TNFAIP8: variants seen among roughly 807,000 people sequenced by gnomAD.
TNFAIP8 encodes TNF alpha induced protein 8.
Under a neutral mutation model 13.3 loss-of-function variants are expected in TNFAIP8, and 7 were observed. The ratio of observed to expected loss-of-function variants is 0.52; its 90% CI spans 0.30 to 0.99. The LOEUF is 0.99. Ranked by LOEUF, TNFAIP8 falls within the 50% of genes least tolerant of loss-of-function variation. The pLI, the probability that TNFAIP8 is intolerant of heterozygous loss-of-function variation, is 0.07. For missense variants in TNFAIP8, 258 were observed against 236.9 expected, an observed-to-expected ratio of 1.09 and a Z score of -0.58; for synonymous variants, 94 against 87.6, an observed-to-expected ratio of 1.07 and a Z score of -0.41.
chr5:119,272,482 A>G (rs1027150962), intron 1 of TNFAIP8, among the ~76,000 whole-genome samples: 1 of 152,266 alleles, frequency 6.6e-6, no homozygotes, highest in Non-Finnish European at 1.5e-5. Context: ...TCACAAGGGC[A>G]GTAGAATGAT....
chr5:119,394,601 T>C lies in TNFAIP8; in HGVS notation c.*1220T>C, dbSNP rs906413392. 5 of 150,420 alleles carry C rather than the reference T, an allele frequency of 3.3e-5. No homozygotes were observed. The highest frequency in any genetic ancestry group is 4.9e-5 in the African/African-American group (2 of 40,866). 9.3% of individuals were successfully genotyped at this position (150,420 alleles called of 1,614,324 possible). On this transcript the variant is annotated 3_prime_UTR_variant, in exon 2 of 2. Transcript: ENST00000504771. Reference sequence around the variant, plus strand: ...CAGCAATAAACATTTCCATTGTCACTGTGTCTATGATTTTTTTTTTTTTTT... The same window carrying C: ...CAGCAATAAACATTTCCATTGTCACCGTGTCTATGATTTTTTTTTTTTTTT...
chr5:119,390,883 A>G (rs562203266), intron 1 of TNFAIP8, among the ~76,000 whole-genome samples: 4 of 152,098 alleles, frequency 2.6e-5, no homozygotes, highest in South Asian at 4.2e-4. Flanking sequence ...CAGTAGTGCA[A>G]TCACTGCTCA....
chr5:119,382,203 T>G (rs1752513127), intron 1 of TNFAIP8, among the ~76,000 whole-genome samples: 1 of 152,216 alleles, frequency 6.6e-6, no homozygotes, highest in South Asian at 2.1e-4. Flanking sequence ...GAAACTTTCC[T>G]CAAACCTAAC....
At chr5:119,384,330 C>A (rs1752593243) in intron 1 of TNFAIP8, among the ~76,000 whole-genome samples, 1 of 152,022 alleles carries the variant, frequency 6.6e-6, no homozygotes, top group African/African-American at 2.4e-5. Flanking sequence ...ACTAAAAATA[C>A]AACAATTAGC....
At chr5:119,286,021 G>A (rs1561982991) in intron 1 of TNFAIP8, among the ~76,000 whole-genome samples, 1 of 152,118 alleles carries the variant, frequency 6.6e-6, no homozygotes, top group Non-Finnish European at 1.5e-5. Context: ...TGAGTTGAAA[G>A]AAAAAGTTTA....
intron 1 of TNFAIP8, among the ~76,000 whole-genome samples, chr5:119,357,864 CTT>C (rs970211267): frequency 4.6e-5 from 7 of 152,002 alleles, no homozygotes; most frequent in Admixed American, 6.6e-5. Flanking sequence ...CTGAATAACT[CTT>C]GAGGGAGATT....
chr5:119,343,900 T>A (rs1750815504), intron 1 of TNFAIP8, among the ~76,000 whole-genome samples: 1 of 152,230 alleles, frequency 6.6e-6, no homozygotes, highest in South Asian at 2.1e-4. Context: ...ATAAGGTTTG[T>A]CTCAAGTAAT....
intron 1 of TNFAIP8, among the ~76,000 whole-genome samples, chr5:119,377,000 G>A (rs138765974): frequency 1.2e-4 from 18 of 152,164 alleles, no homozygotes; most frequent in African/African-American, 1.9e-4. Context: ...GCTGCTTGAC[G>A]TATTTATATA....
chr5:119,355,815 C>T (rs1423357045), upstream of TNFAIP8: 1 of 847,720 alleles, frequency 1.2e-6, no homozygotes, highest in Non-Finnish European at 1.5e-6. Flanking sequence ...CGAGCCAGCC[C>T]CGCCAGGTCG....
intron 1 of TNFAIP8, among the ~76,000 whole-genome samples, chr5:119,368,616 G>A (rs530031920): frequency 3.3e-5 from 5 of 152,202 alleles, no homozygotes; most frequent in East Asian, 1.9e-4. Flanking sequence ...ATCTCTGAGC[G>A]TCTATTTGTT....
rs57346323 is a variant in TNFAIP8, at chr5:119,334,139, C to CAAAAAAAAAA, written c.2-58671_2-58662dup. Among the ~76,000 whole-genome samples the CAAAAAAAAAA allele has an allele frequency of 6.1e-3, 634 of 103,850 alleles. 1 individual carries two copies. Among genetic ancestry groups the CAAAAAAAAAA allele is most frequent in the Non-Finnish European group, 6.7e-3 (312 of 46,638 alleles). 68.1% of individuals were successfully genotyped at this position (103,850 alleles called of 152,430 possible). Reference sequence around the variant, plus strand: ...TGCTGTTGCCATTTTCTCTAACAACCAAAAAAAAAAAAAAACGGTTTACCT... The same window carrying CAAAAAAAAAA: ...TGCTGTTGCCATTTTCTCTAACAACCAAAAAAAAAAAAAAAAAAAAAAAAACGGTTTACCT... On this transcript the variant is annotated intron_variant, in intron 1 of 1. Transcript: ENST00000274456.
At chr5:119,313,992 G>T (rs767023813) in intron 1 of TNFAIP8, among the ~76,000 whole-genome samples, 1 of 152,196 alleles carries the variant, frequency 6.6e-6, no homozygotes. Flanking sequence ...TATAGACAGA[G>T]TAAATGCAAC....
At chr5:119,343,434 G>A (rs910814790) in intron 1 of TNFAIP8, among the ~76,000 whole-genome samples, 1 of 152,002 alleles carries the variant, frequency 6.6e-6, no homozygotes, top group Admixed American at 6.5e-5. Flanking sequence ...TTCTTGTCTT[G>A]TTTTCTTTCT....
chr5:119,341,744 T>C (rs571366880), intron 1 of TNFAIP8, among the ~76,000 whole-genome samples: 1 of 152,296 alleles, frequency 6.6e-6, no homozygotes, highest in Admixed American at 6.5e-5. Flanking sequence ...TGAATCTGTT[T>C]AGAGAAGTAG....
At chr5:119,338,203 CACACA>C (rs560842948) in intron 1 of TNFAIP8, among the ~76,000 whole-genome samples, 1 of 149,140 alleles carries the variant, frequency 6.7e-6, no homozygotes, top group African/African-American at 2.6e-5. Flanking sequence ...CACACACACA[CACACA>C]CACCTTCTCA....
At chr5:119,277,725 A>G (rs920332471) in intron 1 of TNFAIP8, among the ~76,000 whole-genome samples, 2 of 152,194 alleles carry the variant, frequency 1.3e-5, no homozygotes, top group Admixed American at 6.5e-5. Flanking sequence ...GGTAATTTGT[A>G]AAGAACAGAA....
upstream of TNFAIP8, among the ~76,000 whole-genome samples, chr5:119,353,717 TG>T (rs756656929): frequency 0.17 from 25,399 of 152,144 alleles, 2,631 homozygotes; most frequent in Non-Finnish European, 0.22. Flanking sequence ...TTAAAGGACA[TG>T]TATTTTAACA....
intron 1 of TNFAIP8, among the ~76,000 whole-genome samples, chr5:119,381,096 CA>C (rs1199657731): frequency 2.0e-5 from 3 of 152,206 alleles, no homozygotes; most frequent in African/African-American, 7.2e-5. Flanking sequence ...TGCTGGCTCT[CA>C]GACTGCAATC....
At chr5:119,331,195 G>T (rs1189410245) in intron 1 of TNFAIP8, among the ~76,000 whole-genome samples, 1 of 151,968 alleles carries the variant, frequency 6.6e-6, no homozygotes, top group Admixed American at 6.5e-5. Context: ...GGGAAGCATG[G>T]AAGTGCTGTG....
Sources: allele counts gnomAD v4.1 joint callset (sites outside exome capture counted in the v4.1 genomes callset), GRCh38; gene constraint gnomAD v4.1.1; transcripts MANE v1.5; gene names NCBI Gene and HGNC (gene_info 2026-07-23, HGNC 2026-07-21).